The following CLEC12A variants were observed in gnomAD, a reference collection of about 807,000 sequenced individuals.
CLEC12A encodes C-type lectin protein CLL-1.
A neutral mutation model predicts 26.5 loss-of-function variants in CLEC12A; 22 were observed. The ratio of observed to expected loss-of-function variants is 0.83; its 90% confidence interval spans 0.59 to 1.19. CLEC12A has a LOEUF of 1.19. Among genes scored for constraint, CLEC12A ranks in the 50% most tolerant of loss-of-function variants. CLEC12A has a pLI of 0.00. For synonymous variants in CLEC12A, 119 were observed against 101.9 expected (o/e 1.17, Z -1.01); for missense variants, 353 against 315.6 (o/e 1.12, Z -0.90).
intron 4 of CLEC12A, chr12:9,991,078 G>C (rs1864882438): frequency 6.6e-6 from 1 of 152,166 alleles, no homozygotes; most frequent in Non-Finnish European, 1.5e-5. Flanking sequence ...AATAATTAAT[G>C]TGACTCACTT....
chr12:9,970,258 C>A (rs11053533), upstream of CLEC12A, among the ~76,000 whole-genome samples: 1 of 151,460 alleles, frequency 6.6e-6, no homozygotes, highest in African/African-American at 2.4e-5. Context: ...TTTTTTTGTT[C>A]ATTTTGGTTA....
downstream of CLEC12A, among the ~76,000 whole-genome samples, chr12:9,996,351 C>A (rs987404240): frequency 6.6e-6 from 1 of 152,184 alleles, no homozygotes; most frequent in Non-Finnish European, 1.5e-5. Context: ...TTCAACCTGG[C>A]ATCTGCCTAG....
chr12:9,979,138 T>C, intron 2 of CLEC12A, 74 bp downstream of exon 2: 1 of 1,260,592 alleles, frequency 7.9e-7, no homozygotes, highest in Non-Finnish European at 1.2e-6. Flanking sequence ...AGTTTATTCC[T>C]TCAGTGGAAG....
At chr12:10,002,969 G>C in the CLEC12A span, among the ~76,000 whole-genome samples, 1 of 152,082 alleles carries the variant, frequency 6.6e-6, no homozygotes, top group African/African-American at 2.4e-5. Flanking sequence ...AATATACAGG[G>C]ATGTCCTGTA....
chr12:9,961,832 A>G (rs532158886), intron 1 of CLEC12A, among the ~76,000 whole-genome samples: 311 of 152,326 alleles, frequency 2.0e-3, no homozygotes, highest in Middle Eastern at 6.8e-3. Context: ...ATTTCAATAA[A>G]TCTACTCTTC....
Position 9,980,796 on chromosome 12 carries a change from T to C in CLEC12A, c.531+63T>C. 22 of 1,531,292 alleles carry C rather than the reference T, an allele frequency of 1.4e-5. No homozygotes were observed. In the South Asian group the frequency reaches 2.5e-4, roughly 17 times the overall value. The allele number at this position is 1,531,292 out of a possible 1,614,324, so 94.9% of individuals were successfully genotyped here. A position where few individuals can be genotyped will look rare whatever the true frequency, so the allele number is the denominator to read the frequency against. On this transcript the variant is annotated intron_variant, in intron 4 of 5. Transcript: ENST00000304361. Reference sequence around the variant, plus strand: ...GGGGTGTGGCATGTTGGAGAAGACTTCAATCAACCCACTCATGATTCTGGT... The same window carrying C: ...GGGGTGTGGCATGTTGGAGAAGACTCCAATCAACCCACTCATGATTCTGGT...
At chr12:9,967,039 T>C (rs11615156), upstream of CLEC12A, among the ~76,000 whole-genome samples, 86,452 of 150,732 alleles carry the variant, frequency 0.57, 25,140 homozygotes, top group South Asian at 0.72. Flanking sequence ...AGTCATGGAA[T>C]GAAACTGTAA....
intron 4 of CLEC12A, chr12:9,991,561 A>C (rs1475936924): frequency 2.6e-5 from 4 of 152,108 alleles, no homozygotes; most frequent in Non-Finnish European, 4.4e-5. Context: ...CAAATCCAAG[A>C]TCTCCAGACA....
chr12:9,953,693 C>T (rs1172282575), intron 1 of CLEC12A, among the ~76,000 whole-genome samples: 2 of 151,668 alleles, frequency 1.3e-5, no homozygotes, highest in African/African-American at 4.8e-5. Context: ...CCGGCCACCA[C>T]CCCGTCTGGG....
chr12:9,973,912 A>G (rs192306724), intron 1 of CLEC12A, among the ~76,000 whole-genome samples: 124 of 152,188 alleles, frequency 8.1e-4, no homozygotes, highest in South Asian at 1.5e-3. Flanking sequence ...TACTCCTTTT[A>G]TAACAAAACA....
chr12:9,951,730 T>C (rs1863613736), intron 1 of CLEC12A: 1 of 291,608 alleles, frequency 3.4e-6, no homozygotes, highest in Admixed American at 4.6e-5. Context: ...TGTGTGTTGA[T>C]GTAGTTGTGG....
At chr12:9,998,218 G>GA (rs1331735501), downstream of CLEC12A, 32 of 1,206,214 alleles carry the variant, frequency 2.7e-5, no homozygotes, top group East Asian at 7.2e-4. Flanking sequence ...AGCTTAGTGG[G>GA]ATATGCCATG....
At chr12:9,998,946 CTATA>C, downstream of CLEC12A, 1 of 754,762 alleles carries the variant, frequency 1.3e-6, no homozygotes, top group Admixed American at 2.3e-5. Context: ...AGAAATTAAA[CTATA>C]TATATTATCA....
Position 9,975,948 on chromosome 12 carries a change from C to T in CLEC12A, c.92-3018C>T, listed in dbSNP as rs867797712. ...GTCATGGCTTCGGAGAGGGTGCAAA[C>T]CCCAAGCCTTGGTAGCTTCCATGTG... On this transcript the variant is annotated intron_variant, in intron 1 of 5. Coordinates refer to ENST00000304361, the MANE Select transcript of CLEC12A (RefSeq NM_138337.6). Among the ~76,000 whole-genome samples the T allele has an allele frequency of 1.3e-5, 2 of 152,178 alleles. 1 individual carries two copies. Among genetic ancestry groups the T allele is most frequent in the African/African-American group, 4.8e-5 (2 of 41,450 alleles).
chr12:9,982,793 C>T (rs1012460636), intron 5 of CLEC12A, among the ~76,000 whole-genome samples: 1 of 152,096 alleles, frequency 6.6e-6, no homozygotes, highest in African/African-American at 2.4e-5. Context: ...TTTCTTCCCA[C>T]CCTCCTACTT....
chr12:9,953,649 GC>G (rs1863687292), intron 1 of CLEC12A, among the ~76,000 whole-genome samples: 1 of 146,110 alleles, frequency 6.8e-6, no homozygotes, highest in East Asian at 2.0e-4. Flanking sequence ...CCTCTGCCCG[GC>G]CGCCCCTACT....
chr12:9,973,110 G>A (rs574670048), intron 1 of CLEC12A, among the ~76,000 whole-genome samples: 25 of 152,054 alleles, frequency 1.6e-4, no homozygotes, highest in Non-Finnish European at 3.2e-4. Flanking sequence ...ATTATGTAAT[G>A]TCTACTCTTA....
chr12:9,984,796 G>A, intron 5 of CLEC12A, 74 bp from the exon 6 acceptor site: 2 of 1,297,792 alleles, frequency 1.5e-6, no homozygotes, highest in Non-Finnish European at 2.0e-6. Flanking sequence ...CATGTTGGAA[G>A]TGTAATTTTT....
At chr12:9,968,743 T>C (rs903999152), upstream of CLEC12A, among the ~76,000 whole-genome samples, 2 of 152,226 alleles carry the variant, frequency 1.3e-5, no homozygotes, top group East Asian at 1.9e-4. Flanking sequence ...GTATCACTTA[T>C]GTTTAATATT....
Sources: gnomAD v4.1 joint callset for allele counts (sites outside exome capture counted in the v4.1 genomes callset) on GRCh38, gnomAD v4.1.1 for gene constraint, MANE v1.5 for transcripts, NCBI Gene and HGNC (gene_info 2026-07-23, HGNC 2026-07-21) for gene names.